Variants in SPDYA observed in about 807,000 individuals in gnomAD.
SPDYA encodes speedy/RINGO cell cycle regulator family member A.
In SPDYA, 11 loss-of-function variants were observed where a neutral mutation model predicts 36.7. The observed-to-expected ratio is 0.30, with a 90% CI of 0.19 to 0.50. The LOEUF (loss-of-function observed/expected upper bound fraction) is 0.50. Ranked by LOEUF, SPDYA falls within the 20% of genes least tolerant of loss-of-function variation. The pLI, the probability that SPDYA is intolerant of heterozygous loss-of-function variation, is 0.98. For synonymous variants in SPDYA, 115 were observed against 118.7 expected, an observed-to-expected ratio of 0.97 and a Z score of 0.20; for missense variants, 287 against 370.9, an observed-to-expected ratio of 0.77 and a Z score of 1.86.
chr2:28,829,419 T>C (rs2148091586), intron 6 of SPDYA, 100 bp downstream of exon 6: 1 of 1,081,190 alleles, frequency 9.2e-7, no homozygotes, highest in South Asian at 1.6e-5. Flanking sequence ...TATTCTGGGT[T>C]TTTTTTTTTT....
chr2:28,837,365 A>C (rs1450258865), intron 6 of SPDYA, among the ~76,000 whole-genome samples: 4 of 152,232 alleles, frequency 2.6e-5, no homozygotes, highest in Non-Finnish European at 5.9e-5. Context: ...CATAATGGAA[A>C]TAGGGAAGCC....
chr2:28,834,261 A>G (rs1367005764), intron 6 of SPDYA, among the ~76,000 whole-genome samples: 1 of 152,190 alleles, frequency 6.6e-6, no homozygotes, highest in East Asian at 1.9e-4. Context: ...ACCCTCATAC[A>G]CTTCTTATGG....
chr2:28,850,527 T>G lies in SPDYA; in HGVS notation c.*586T>G. On this transcript the variant is annotated 3_prime_UTR_variant, in exon 8 of 8. Transcript: ENST00000334056. ...TTTTTTCTTTATTTATTTCCTTGCA[T>G]ATGTTTTAGAGCTACTCTGCCAGTT... The G allele has an allele frequency of 3.0e-6, 2 of 656,710 alleles. No individual in the cohort carries two copies. The highest frequency in any genetic ancestry group is 5.2e-6 in the Non-Finnish European group (2 of 388,164). 40.7% of individuals were successfully genotyped at this position (656,710 alleles called of 1,614,324 possible). A position where few individuals can be genotyped will look rare whatever the true frequency, so the allele number is the denominator to read the frequency against.
chr2:28,832,163 T>C (rs1467274164), intron 6 of SPDYA, among the ~76,000 whole-genome samples: 1 of 152,130 alleles, frequency 6.6e-6, no homozygotes, highest in East Asian at 1.9e-4. Context: ...TTTGAACCTG[T>C]TATATAAAGT....
intron 5 of SPDYA, among the ~76,000 whole-genome samples, chr2:28,824,713 A>ATT (rs1328349784): frequency 2.0e-5 from 3 of 150,302 alleles, no homozygotes; most frequent in African/African-American, 7.3e-5. Context: ...CGCCCGGCTA[A>ATT]TTTTTTTTTG....
At chr2:28,848,690 G>T (rs536979776) in intron 7 of SPDYA, among the ~76,000 whole-genome samples, 1 of 152,166 alleles carries the variant, frequency 6.6e-6, no homozygotes, top group South Asian at 2.1e-4. Context: ...AATACTTCTA[G>T]CCTAAGAGAT....
intron 3 of SPDYA, among the ~76,000 whole-genome samples, chr2:28,818,440 TAAAAAAAAAAA>T (rs372056967): frequency 9.1e-6 from 1 of 110,012 alleles, no homozygotes; most frequent in Non-Finnish European, 1.9e-5. Flanking sequence ...CCTGTCTCTT[TAAAAAAAAAAA>T]AAAAAAAAAA....
chr2:28,819,820 TAAAAAAAAAAAAAAAAA>T (rs1174507151), intron 4 of SPDYA, among the ~76,000 whole-genome samples: 5 of 17,218 alleles, frequency 2.9e-4, no homozygotes, highest in Admixed American at 1.4e-3. Flanking sequence ...CCTGGTCTCT[TAAAAAAAAAAAAAAAAA>T]AAAAAAAAAA....
chr2:28,823,745 A>ATATATATATATATGTAT (rs1491479223), intron 5 of SPDYA, among the ~76,000 whole-genome samples: 1 of 42,858 alleles, frequency 2.3e-5, no homozygotes. Flanking sequence ...ATATATATAT[A>ATATATATATATATGTAT]AAATTTTTTT....
intron 6 of SPDYA, among the ~76,000 whole-genome samples, chr2:28,833,699 C>G (rs944814206): frequency 6.6e-6 from 1 of 152,038 alleles, no homozygotes; most frequent in African/African-American, 2.4e-5. Flanking sequence ...CTGGTTTATA[C>G]CATATATAAA....
rs143793920 is a variant in SPDYA, at chr2:28,844,858, G to A, written c.850+4389G>A. Among the ~76,000 whole-genome samples the A allele has an allele frequency of 4.5e-3, 682 of 152,124 alleles. 6 individuals carry two copies. The highest frequency in any genetic ancestry group is 0.016 in the African/African-American group (645 of 41,506). On this transcript the variant is annotated intron_variant, in intron 7 of 7. Transcript: ENST00000334056. ...TGAGACAGGAGAATTGCTTGAACCC[G>A]GGAGGCGGAGGTTGCAGTGAGCCAA...
At chr2:28,822,565 GT>G (rs1668194832) in intron 5 of SPDYA, among the ~76,000 whole-genome samples, 155 bp downstream of exon 5, 1 of 151,612 alleles carries the variant, frequency 6.6e-6, no homozygotes, top group South Asian at 2.1e-4. Context: ...ATATTTTTAT[GT>G]TTTTTTCACT....
At chr2:28,812,979 G>A (rs562240789) in intron 1 of SPDYA, among the ~76,000 whole-genome samples, 3 of 148,602 alleles carry the variant, frequency 2.0e-5, no homozygotes, top group Admixed American at 6.7e-5. Context: ...TTTGGTTTTC[G>A]TTCCTTTCCT....
chr2:28,820,875 A>C (rs1668139099), intron 4 of SPDYA, among the ~76,000 whole-genome samples: 1 of 152,266 alleles, frequency 6.6e-6, no homozygotes, highest in Middle Eastern at 3.4e-3. Flanking sequence ...TTTAAATTTC[A>C]TTTTGGAAAA....
Position 28,849,910 on chromosome 2 carries a change from C to T in SPDYA, c.911C>T (p.Ser304Phe). 1 of 1,595,642 alleles carries T rather than the reference C, an allele frequency of 6.3e-7. No individual in the cohort carries two copies. Among genetic ancestry groups the T allele is most frequent in the Non-Finnish European group, 8.5e-7 (1 of 1,174,746 alleles). Residue 304 changes from serine to phenylalanine, a missense_variant, in exon 8 of 8, where the codon TCT (serine) becomes TTT (phenylalanine). By Grantham distance (155) the Ser-to-Phe change is radical (BLOSUM62 -2). Transcript: ENST00000334056. ...KKTNFLKKDK[S>F]MEWFTGSEE ...ACTAATTTCTTGAAGAAAGACAAAT[C>T]TATGGAGTGGTTTACAGGAAGTGAA...
intron 4 of SPDYA, among the ~76,000 whole-genome samples, chr2:28,820,479 G>A (rs1035439163): frequency 5.3e-5 from 8 of 151,904 alleles, no homozygotes; most frequent in African/African-American, 9.7e-5. Flanking sequence ...CCAGCTACTC[G>A]GGAGGCTGAG....
intron 4 of SPDYA, among the ~76,000 whole-genome samples, chr2:28,821,183 T>C (rs868084031): frequency 8.8e-5 from 13 of 147,168 alleles, no homozygotes; most frequent in African/African-American, 2.8e-4. Flanking sequence ...ATGTGATTTT[T>C]TTTTTTTCTT....
chr2:28,833,506 C>T (rs1572507903), intron 6 of SPDYA, among the ~76,000 whole-genome samples: 1 of 152,282 alleles, frequency 6.6e-6, no homozygotes, highest in African/African-American at 2.4e-5. Context: ...CTTTCCTTAT[C>T]ACCTTATATA....
chr2:28,824,220 G>C (rs1371656757), intron 5 of SPDYA, among the ~76,000 whole-genome samples: 1 of 151,938 alleles, frequency 6.6e-6, no homozygotes, highest in Non-Finnish European at 1.5e-5. Flanking sequence ...GCTTACGCCT[G>C]TAATCCCAGC....
Sources: allele counts gnomAD v4.1 joint callset (sites outside exome capture counted in the v4.1 genomes callset), GRCh38; gene constraint gnomAD v4.1.1; transcripts MANE v1.5; gene names NCBI Gene and HGNC (gene_info 2026-07-23, HGNC 2026-07-21).